Variants in ST6GALNAC3 observed in about 807,000 individuals in gnomAD.
The protein encoded by ST6GALNAC3 is ST6 N-acetylgalactosaminide alpha-2,6-sialyltransferase 3.
ST6GALNAC3 carries 25 observed loss-of-function variants against 32.7 expected under a neutral mutation model. The observed-to-expected ratio is 0.76, with a 90% CI of 0.56 to 1.07. The LOEUF is 1.07. Among genes scored for constraint, ST6GALNAC3 ranks in the 50% least tolerant of loss-of-function variants. The probability of loss-of-function intolerance (pLI) is 0.00; values close to 1 mark genes in which losing one functional copy is unlikely to be tolerated. For synonymous variants in ST6GALNAC3, 129 were observed against 133.1 expected (o/e 0.97, Z 0.21); for missense variants, 355 against 382.4 (o/e 0.93, Z 0.60).
chr1:76,272,690 G>A (rs2210831), intron 1 of ST6GALNAC3, among the ~76,000 whole-genome samples: 9 of 152,038 alleles, frequency 5.9e-5, no homozygotes, highest in African/African-American at 9.7e-5. Flanking sequence ...CTATCATCAG[G>A]TGTCATCTTT....
chr1:76,205,392 C>G (rs1186096484), intron 1 of ST6GALNAC3, among the ~76,000 whole-genome samples: 2 of 152,008 alleles, frequency 1.3e-5, no homozygotes, highest in Non-Finnish European at 2.9e-5. Context: ...CATCTACCTC[C>G]CTGCTTGCTT....
chr1:76,388,183 A>G (rs944462271), intron 2 of ST6GALNAC3, among the ~76,000 whole-genome samples: 1 of 152,164 alleles, frequency 6.6e-6, no homozygotes, highest in Non-Finnish European at 1.5e-5. Context: ...TTTTACTCCC[A>G]CTTATTAATC....
intron 1 of ST6GALNAC3, among the ~76,000 whole-genome samples, chr1:76,204,758 C>T (rs72675913): frequency 0.028 from 4,217 of 152,174 alleles, 107 homozygotes; most frequent in African/African-American, 0.073. Flanking sequence ...CCATAATCTT[C>T]TCTTAGCCCT....
intron 3 of ST6GALNAC3, among the ~76,000 whole-genome samples, chr1:76,606,048 T>C: frequency 6.6e-6 from 1 of 151,872 alleles, no homozygotes; most frequent in Non-Finnish European, 1.5e-5. Context: ...GTGGCAATTA[T>C]TAAAACATCA....
chr1:76,400,030 T>A (rs1190905929), intron 2 of ST6GALNAC3, among the ~76,000 whole-genome samples: 2 of 152,204 alleles, frequency 1.3e-5, no homozygotes, highest in Non-Finnish European at 2.9e-5. Flanking sequence ...CTTTTTTTAT[T>A]TTTTCATGAC....
In ST6GALNAC3 at chr1:76,627,514, G is replaced by A; in HGVS notation, c.686G>A (p.Cys229Tyr). 2 of 1,612,718 alleles carry A rather than the reference G, an allele frequency of 1.2e-6. No homozygotes were observed. Among genetic ancestry groups the A allele is most frequent in the South Asian group, 2.2e-5 (2 of 91,036 alleles). The change falls in exon 4 of 5, where the codon TGT becomes TAT. Residue 229 changes from cysteine to tyrosine, a missense_variant. Physicochemically the swap from Cys to Tyr is radical, Grantham distance 194 (BLOSUM62 -2). Transcript: ENST00000328299. Reference sequence around the variant, plus strand: ...ACCTTCCTTCTGGCCATGGACGCCTGTTATGGCATTCACGTCTACGGGATG... The same window carrying A: ...ACCTTCCTTCTGGCCATGGACGCCTATTATGGCATTCACGTCTACGGGATG... ...WFTFLLAMDA[C>Y]YGIHVYGMIN...
intron 2 of ST6GALNAC3, among the ~76,000 whole-genome samples, chr1:76,374,272 C>T (rs546608962): frequency 2.0e-5 from 3 of 152,110 alleles, no homozygotes; most frequent in Non-Finnish European, 4.4e-5. Flanking sequence ...AGAACGAAAA[C>T]ATGAGGACAT....
chr1:76,240,062 C>T (rs1656880578), intron 1 of ST6GALNAC3, among the ~76,000 whole-genome samples: 1 of 152,090 alleles, frequency 6.6e-6, no homozygotes, highest in Non-Finnish European at 1.5e-5. Context: ...GGTTCAAATC[C>T]AAGAACTATT....
chr1:76,420,745 T>A (rs1329164735), intron 3 of ST6GALNAC3, among the ~76,000 whole-genome samples: 1 of 152,006 alleles, frequency 6.6e-6, no homozygotes, highest in Non-Finnish European at 1.5e-5. Flanking sequence ...TAGTCCTACC[T>A]CTATGTTTTG....
At chr1:76,625,367 A>ATT (rs1364007636) in intron 3 of ST6GALNAC3, among the ~76,000 whole-genome samples, 1 of 151,952 alleles carries the variant, frequency 6.6e-6, no homozygotes, top group Non-Finnish European at 1.5e-5. Context: ...CATCATATAG[A>ATT]AACAAACAAA....
At chr1:76,544,729 G>A (rs1391326867) in intron 3 of ST6GALNAC3, among the ~76,000 whole-genome samples, 1 of 152,196 alleles carries the variant, frequency 6.6e-6, no homozygotes, top group African/African-American at 2.4e-5. Flanking sequence ...CAGAAGATTA[G>A]AGGAGGATTC....
intron 3 of ST6GALNAC3, among the ~76,000 whole-genome samples, chr1:76,456,531 T>A (rs1657815380): frequency 6.6e-6 from 1 of 152,112 alleles, no homozygotes; most frequent in Non-Finnish European, 1.5e-5. Flanking sequence ...TTTTAAGTTT[T>A]ATATAATCTT....
At chr1:76,315,896 A>G (rs1646855640) in intron 2 of ST6GALNAC3, among the ~76,000 whole-genome samples, 1 of 152,118 alleles carries the variant, frequency 6.6e-6, no homozygotes, top group South Asian at 2.1e-4. Flanking sequence ...TATGGCATAA[A>G]GTGTTCAGTA....
intron 1 of ST6GALNAC3, among the ~76,000 whole-genome samples, chr1:76,150,143 C>T (rs1029477491): frequency 9.9e-5 from 15 of 152,182 alleles, no homozygotes; most frequent in Non-Finnish European, 1.8e-4. Flanking sequence ...TATCTTACAG[C>T]ACTGCAGATC....
At chr1:76,414,935 G>T (rs1445225903) in intron 3 of ST6GALNAC3, among the ~76,000 whole-genome samples, 4 of 151,846 alleles carry the variant, frequency 2.6e-5, no homozygotes, top group African/African-American at 7.3e-5. Context: ...ATTAGGATTA[G>T]CATAAGGTTT....
chr1:76,232,116 G>A (rs773083247), intron 1 of ST6GALNAC3, among the ~76,000 whole-genome samples: 7 of 152,076 alleles, frequency 4.6e-5, no homozygotes, highest in East Asian at 3.9e-4. Context: ...CTCACTCTGC[G>A]GCACACTGTA....
intron 1 of ST6GALNAC3, among the ~76,000 whole-genome samples, chr1:76,232,436 GCCT>G (rs142812588): frequency 0.16 from 24,187 of 152,104 alleles, 2,170 homozygotes; most frequent in Middle Eastern, 0.23. Flanking sequence ...CGAACAAAGG[GCCT>G]TGCCAGAGTG....
chr1:76,089,772 A>C (rs1647018164), intron 1 of ST6GALNAC3, among the ~76,000 whole-genome samples: 1 of 152,186 alleles, frequency 6.6e-6, no homozygotes, highest in Non-Finnish European at 1.5e-5. Context: ...TCCTTCCCTC[A>C]GAGTCACTAT....
intron 2 of ST6GALNAC3, among the ~76,000 whole-genome samples, chr1:76,368,023 C>CTGG (rs1368190933): frequency 2.6e-5 from 4 of 152,180 alleles, no homozygotes; most frequent in African/African-American, 9.6e-5. Flanking sequence ...CCAGCACCTG[C>CTGG]ATAAGGCTGA....
Sources: gnomAD v4.1 joint callset for allele counts (sites outside exome capture counted in the v4.1 genomes callset) on GRCh38, gnomAD v4.1.1 for gene constraint, MANE v1.5 for transcripts, NCBI Gene and HGNC (gene_info 2026-07-23, HGNC 2026-07-21) for gene names.